Variants in KALRN observed in about 807,000 individuals in gnomAD.
KALRN encodes kalirin.
A neutral mutation model predicts 353.7 loss-of-function variants in KALRN; 70 were observed. That is an observed-to-expected ratio of 0.20 (90% CI 0.16 to 0.24). KALRN has a LOEUF of 0.24. KALRN is among the 10% of genes least tolerant of loss of function. The probability of loss-of-function intolerance (pLI) is 1.00; values close to 1 mark genes in which losing one functional copy is unlikely to be tolerated. For synonymous variants in KALRN, 1,391 were observed against 1,434.8 expected (o/e 0.97, Z 0.69); for missense variants, 2,791 against 3,756.7 (o/e 0.74, Z 6.72).
chr3:124,465,549 ATAACT>A (rs750845084), intron 25 of KALRN, among the ~76,000 whole-genome samples: 13 of 152,298 alleles, frequency 8.5e-5, no homozygotes, highest in South Asian at 8.3e-4. Context: ...GAAGAGCAAA[ATAACT>A]TAATTTCTAC....
chr3:124,345,024 C>G (rs573750720), intron 9 of KALRN, among the ~76,000 whole-genome samples: 40 of 152,224 alleles, frequency 2.6e-4, no homozygotes, highest in African/African-American at 9.4e-4. Context: ...AACCAATTTT[C>G]TTAAAGCTAG....
At chr3:124,401,934 G>C (rs1215096651) in intron 13 of KALRN, among the ~76,000 whole-genome samples, 1 of 152,192 alleles carries the variant, frequency 6.6e-6, no homozygotes, top group African/African-American at 2.4e-5. Context: ...GTGAAACTGA[G>C]GGTGGTTTCT....
chr3:124,042,343 G>A (rs1488444779), intron 1 of KALRN, among the ~76,000 whole-genome samples: 2 of 152,184 alleles, frequency 1.3e-5, no homozygotes, highest in African/African-American at 2.4e-5. Context: ...AATGAATTTG[G>A]TCTTTCAGCA....
At chr3:124,617,773 C>G (rs1292982629) in intron 34 of KALRN, among the ~76,000 whole-genome samples, 1 of 152,164 alleles carries the variant, frequency 6.6e-6, no homozygotes, top group Non-Finnish European at 1.5e-5. Flanking sequence ...ACTGATCTTG[C>G]TGATCTGGGG....
chr3:124,180,059 A>T (rs1240166368), intron 1 of KALRN, among the ~76,000 whole-genome samples: 1 of 152,150 alleles, frequency 6.6e-6, no homozygotes, highest in Non-Finnish European at 1.5e-5. Flanking sequence ...ACAAACTTTG[A>T]TCAGAACAAT....
intron 3 of KALRN, among the ~76,000 whole-genome samples, chr3:124,261,365 A>G (rs1168546664): frequency 6.6e-6 from 1 of 152,220 alleles, no homozygotes; most frequent in Admixed American, 6.5e-5. Flanking sequence ...ACTGAACTAT[A>G]GCCCCAGCAC....
At chr3:124,187,013 G>A (rs1247834042) in intron 1 of KALRN, among the ~76,000 whole-genome samples, 2 of 152,168 alleles carry the variant, frequency 1.3e-5, no homozygotes, top group African/African-American at 2.4e-5. Context: ...ACCTTGGTGC[G>A]GGTGGGATAT....
intron 10 of KALRN, among the ~76,000 whole-genome samples, chr3:124,366,199 CTT>C (rs201723915): frequency 6.8e-6 from 1 of 147,326 alleles, no homozygotes; most frequent in African/African-American, 2.5e-5. Flanking sequence ...TATTGTATTT[CTT>C]TTTTTTTTTA....
At chr3:124,593,275 T>C (rs2075980111) in intron 34 of KALRN, among the ~76,000 whole-genome samples, 2 of 152,216 alleles carry the variant, frequency 1.3e-5, no homozygotes, top group Non-Finnish European at 2.9e-5. Flanking sequence ...ATCTGTGCAG[T>C]GCTCCTTCTC....
At chr3:124,298,300 G>T (rs1212465912) in intron 5 of KALRN, among the ~76,000 whole-genome samples, 2 of 152,200 alleles carry the variant, frequency 1.3e-5, no homozygotes, top group Non-Finnish European at 2.9e-5. Context: ...AGGCTGTAGA[G>T]TTATGAGAAA....
At chr3:124,673,975 C>A (rs1221393212) in intron 48 of KALRN, among the ~76,000 whole-genome samples, 1 of 152,106 alleles carries the variant, frequency 6.6e-6, no homozygotes, top group East Asian at 1.9e-4. Flanking sequence ...AGGATTGTGA[C>A]CCCTGACATG....
chr3:124,299,331 G>A (rs2077085619), intron 6 of KALRN, among the ~76,000 whole-genome samples: 1 of 152,210 alleles, frequency 6.6e-6, no homozygotes, highest in African/African-American at 2.4e-5. Context: ...CTGGGGAAGA[G>A]AAACCCTAAG....
chr3:124,704,053 G>A (rs944190411), intron 57 of KALRN, among the ~76,000 whole-genome samples: 7 of 152,150 alleles, frequency 4.6e-5, no homozygotes, highest in African/African-American at 1.7e-4. Flanking sequence ...AGGAGGTGTG[G>A]AGCCAGGATT....
At chr3:124,136,814 T>C (rs983985562) in intron 1 of KALRN, among the ~76,000 whole-genome samples, 1 of 152,222 alleles carries the variant, frequency 6.6e-6, no homozygotes, top group East Asian at 1.9e-4. Flanking sequence ...TGGATGTGCA[T>C]GTACCAGAGT....
At chr3:124,520,210 G>C (rs2067049075) in intron 33 of KALRN, among the ~76,000 whole-genome samples, 1 of 152,028 alleles carries the variant, frequency 6.6e-6, no homozygotes, top group African/African-American at 2.4e-5. Context: ...AGAAGGGAGA[G>C]AAAAGCAGCC....
chr3:124,675,149 T>C (rs1578883155), intron 49 of KALRN: 1 of 152,174 alleles, frequency 6.6e-6, no homozygotes, highest in Non-Finnish European at 1.5e-5. Flanking sequence ...GTACAGATTG[T>C]AACTTTTTAA....
intron 10 of KALRN, 55 bp downstream of exon 10, chr3:124,347,320 G>C (rs189770618): frequency 6.6e-7 from 1 of 1,515,414 alleles, no homozygotes; most frequent in Non-Finnish European, 8.9e-7. Flanking sequence ...GTGTGTGTGT[G>C]TCTAGATGAG....
intron 1 of KALRN, among the ~76,000 whole-genome samples, chr3:124,158,168 T>C (rs1343377525): frequency 6.6e-6 from 1 of 152,130 alleles, no homozygotes; most frequent in Non-Finnish European, 1.5e-5. Context: ...CACCCCACCC[T>C]CTGCTCCTGA....
At chr3:124,366,790 G>A (rs1365533253) in intron 10 of KALRN, among the ~76,000 whole-genome samples, 1 of 151,706 alleles carries the variant, frequency 6.6e-6, no homozygotes, top group African/African-American at 2.4e-5. Context: ...GCCGGGCAGA[G>A]GCGCCCCTCA....
Sources: gnomAD v4.1 joint callset for allele counts (sites outside exome capture counted in the v4.1 genomes callset) on GRCh38, gnomAD v4.1.1 for gene constraint, MANE v1.5 for transcripts, NCBI Gene and HGNC (gene_info 2026-07-23, HGNC 2026-07-21) for gene names.